The following ATP6V1B2 variants were observed in gnomAD, a reference collection of about 807,000 sequenced individuals.
ATP6V1B2 encodes the protein ATPase H+ transporting V1 subunit B2.
In ATP6V1B2, 23 loss-of-function variants were observed where a neutral mutation model predicts 66.7. The observed-to-expected ratio is 0.34, with a 90% CI of 0.25 to 0.49. The LOEUF (loss-of-function observed/expected upper bound fraction) is 0.49, where lower values mean the gene tolerates loss of function less well. ATP6V1B2 is among the 20% of genes least tolerant of loss of function. The pLI is 0.99. For synonymous variants in ATP6V1B2, 278 were observed against 236.7 expected, an observed-to-expected ratio of 1.17 and a Z score of -1.60; for missense variants, 478 against 650.8, an observed-to-expected ratio of 0.73 and a Z score of 2.89.
chr8:20,199,794 A>G (rs904898309), intron 1 of ATP6V1B2, among the ~76,000 whole-genome samples: 4 of 151,942 alleles, frequency 2.6e-5, no homozygotes, highest in Non-Finnish European at 5.9e-5. Flanking sequence ...GTATTTTAGT[A>G]GAGACGGGAT....
chr8:20,206,639 G>A (rs780515600), intron 2 of ATP6V1B2, among the ~76,000 whole-genome samples: 1 of 152,166 alleles, frequency 6.6e-6, no homozygotes. Flanking sequence ...TTCTGTCCCC[G>A]TGGAGCTGGG....
chr8:20,198,016 G>A (rs1247825209), intron 1 of ATP6V1B2, among the ~76,000 whole-genome samples: 1 of 152,232 alleles, frequency 6.6e-6, no homozygotes, highest in South Asian at 2.1e-4. Flanking sequence ...GACGTGGTCA[G>A]GCCTTTCGTG....
intron 5 of ATP6V1B2, 102 bp from the exon 6 acceptor site, chr8:20,211,075 C>T: frequency 6.9e-7 from 1 of 1,448,804 alleles, no homozygotes; most frequent in Non-Finnish European, 9.3e-7. Flanking sequence ...TAGTTCTGGT[C>T]TTCTGGTGCT....
intron 13 of ATP6V1B2, 69 bp from the exon 14 acceptor site, chr8:20,220,194 A>G (rs1255457399): frequency 2.0e-5 from 31 of 1,535,228 alleles, no homozygotes; most frequent in East Asian, 7.0e-5. Context: ...TCATATAACA[A>G]TACATACTGG....
rs112063532 is a variant in ATP6V1B2, at chr8:20,204,546, C to G, written c.192+7C>G. 4.5e-3 allele frequency: 7,301 copies of G among 1,606,242 alleles called. 22 individuals carry two copies. The highest frequency in any genetic ancestry group is 5.9e-3 in the Non-Finnish European group (6,925 of 1,173,278). Reference sequence around the variant, plus strand: ...GATCTTAGATCATGTTAAGGTAATACCACTATCTGTTTTGGTCTATTTATG... The same window carrying G: ...GATCTTAGATCATGTTAAGGTAATAGCACTATCTGTTTTGGTCTATTTATG... On this transcript the variant is annotated splice_region_variant and intron_variant, in intron 2 of 13. Transcript: ENST00000276390.
At chr8:20,201,954 C>A (rs530670686) in intron 1 of ATP6V1B2, among the ~76,000 whole-genome samples, 2 of 152,172 alleles carry the variant, frequency 1.3e-5, no homozygotes, top group South Asian at 4.2e-4. Flanking sequence ...GGTCTCTCTT[C>A]CTTTTGTAAA....
intron 2 of ATP6V1B2, among the ~76,000 whole-genome samples, chr8:20,208,753 G>A (rs2072763228): frequency 6.7e-6 from 1 of 149,726 alleles, no homozygotes; most frequent in Admixed American, 6.7e-5. Flanking sequence ...TATCAGCCAG[G>A]CTGGAGTACA....
intron 6 of ATP6V1B2, 153 bp downstream of exon 6, chr8:20,211,469 C>T (rs1383726640): frequency 7.7e-7 from 1 of 1,296,512 alleles, no homozygotes; most frequent in Non-Finnish European, 1.0e-6. Flanking sequence ...TATTTCTGCA[C>T]ATGTCTTCTT....
intron 12 of ATP6V1B2, 84 bp downstream of exon 12, chr8:20,217,408 CT>C: frequency 8.4e-7 from 1 of 1,186,774 alleles, no homozygotes; most frequent in Non-Finnish European, 1.2e-6. Flanking sequence ...ACCCTTACCA[CT>C]TCTCTCTTCC....
At chr8:20,217,031 G>C in intron 11 of ATP6V1B2, 189 bp from the exon 12 acceptor site, 1 of 565,764 alleles carries the variant, frequency 1.8e-6, no homozygotes, top group Non-Finnish European at 3.2e-6. Context: ...CGAAAGAAAT[G>C]CTATGCTATA....
At chr8:20,215,137 C>T in intron 10 of ATP6V1B2, 169 bp downstream of exon 10, 2 of 792,816 alleles carry the variant, frequency 2.5e-6, no homozygotes, top group East Asian at 6.1e-5. Context: ...CAGTTATTAT[C>T]CTATTGTGGA....
At chr8:20,207,216 G>T in intron 2 of ATP6V1B2, among the ~76,000 whole-genome samples, 1 of 152,092 alleles carries the variant, frequency 6.6e-6, no homozygotes, top group East Asian at 1.9e-4. Context: ...TTAAAAATGA[G>T]GATTTGGTTC....
intron 1 of ATP6V1B2, among the ~76,000 whole-genome samples, chr8:20,198,264 A>G (rs2072649023): frequency 6.6e-6 from 1 of 152,210 alleles, no homozygotes; most frequent in Admixed American, 6.5e-5. Flanking sequence ...CCAGGTTCTT[A>G]AATTCTCGCT....
intron 1 of ATP6V1B2, among the ~76,000 whole-genome samples, chr8:20,199,206 A>G (rs1389723377): frequency 2.0e-5 from 3 of 152,112 alleles, no homozygotes; most frequent in Admixed American, 6.5e-5. Context: ...TTGCTGAGGG[A>G]TTTTTCCAGA....
intron 2 of ATP6V1B2, among the ~76,000 whole-genome samples, chr8:20,207,296 C>T (rs1460971888): frequency 6.6e-6 from 1 of 152,102 alleles, no homozygotes; most frequent in Non-Finnish European, 1.5e-5. Context: ...CATGAGAATT[C>T]GACTTGGTAA....
At chr8:20,209,287 G>A in intron 2 of ATP6V1B2, 146 bp from the exon 3 acceptor site, 1 of 673,062 alleles carries the variant, frequency 1.5e-6, no homozygotes, top group East Asian at 2.7e-5. Context: ...CTACCTGAGG[G>A]TATTGAAAGC....
In ATP6V1B2 at chr8:20,212,366, A is replaced by C. The variant is rs2072804008; in HGVS notation, c.803+167A>C. 2.0e-5 allele frequency among the ~76,000 whole-genome samples: 3 copies of C among 152,196 alleles called. No individual in the cohort carries two copies. In the South Asian group the frequency reaches 6.2e-4, roughly 31 times the overall value. ...TTGGTAGTTATCTGGCACTGGGCAA[A>C]TTACTTAGGTTCTGAAGCTCATAAG... On this transcript the variant is annotated intron_variant, in intron 8 of 13. Coordinates refer to ENST00000276390, the MANE Select transcript of ATP6V1B2 (RefSeq NM_001693.4).
intron 2 of ATP6V1B2, among the ~76,000 whole-genome samples, chr8:20,207,133 A>G (rs1311889726): frequency 6.6e-6 from 1 of 152,210 alleles, no homozygotes; most frequent in African/African-American, 2.4e-5. Context: ...GAAGACCTAA[A>G]ATAAGTGAAG....
rs1473787068 is a variant in ATP6V1B2 at position 20,214,947 on chromosome 8, A to C, written c.1057A>C (p.Ile353Leu). The C allele has an allele frequency of 1.9e-6, 3 of 1,613,184 alleles. No individual in the cohort carries two copies. The highest frequency in any genetic ancestry group is 2.5e-6 in the Non-Finnish European group (3 of 1,179,556). Reference protein sequence around the residue: ...GRNGSITQIPILTMPNDDITH... With the variant: ...GRNGSITQIPLLTMPNDDITH... The stretch of plus-strand genomic sequence containing the variant: ...AAACGGCTCGATTACTCAAATCCCT[A>C]TTCTAACCATGCCTAATGATGGTAA... The change falls in exon 10 of 14, where the codon ATT becomes CTT. Residue 353 changes from isoleucine (I) to leucine (L), a missense_variant. Coordinates refer to ENST00000276390, the MANE Select transcript of ATP6V1B2 (RefSeq NM_001693.4).
Sources: gnomAD v4.1 joint callset for allele counts (sites outside exome capture counted in the v4.1 genomes callset) on GRCh38, gnomAD v4.1.1 for gene constraint, MANE v1.5 for transcripts, NCBI Gene and HGNC (gene_info 2026-07-23, HGNC 2026-07-21) for gene names.